Variants in ZYG11A observed in about 807,000 individuals in gnomAD.
ZYG11A encodes the protein zyg-11 family member A, cell cycle regulator, also known as protein zyg-11 homolog A.
Under a neutral mutation model 77.2 loss-of-function variants are expected in ZYG11A, and 62 were observed. That is an observed-to-expected ratio of 0.80 (90% CI 0.65 to 0.99). The LOEUF (loss-of-function observed/expected upper bound fraction) is 0.99. ZYG11A is among the 50% of genes least tolerant of loss of function. ZYG11A has a pLI of 0.00. For synonymous variants in ZYG11A, 315 were observed against 324.6 expected, an observed-to-expected ratio of 0.97 and a Z score of 0.32; for missense variants, 828 against 896.8, an observed-to-expected ratio of 0.92 and a Z score of 0.98.
In ZYG11A at chr1:52,877,764, A is replaced by C; in HGVS notation, c.1625A>C (p.Asn542Thr). 3 of 1,552,030 alleles carry C rather than the reference A, an allele frequency of 1.9e-6. No individual in the cohort carries two copies. The highest frequency in any genetic ancestry group is 2.6e-6 in the Non-Finnish European group (3 of 1,147,052). ...TTGTTTACTTTGAAAGCACTTTGGA[A>C]TCTTACAGATGGGTCTCCAGCTGCC... ...TFLFTLKALW[N>T]LTDGSPAACK... The change falls in exon 9 of 14, where the codon AAT (asparagine) becomes ACT (threonine). Residue 542 changes from asparagine to threonine, a missense_variant. Physicochemically the swap from Asn to Thr is moderately conservative, Grantham distance 65. Coordinates refer to ENST00000371528, the MANE Select transcript of ZYG11A (RefSeq NM_001004339.3).
intron 1 of ZYG11A, among the ~76,000 whole-genome samples, chr1:52,851,492 G>T (rs1427213982): frequency 6.6e-6 from 1 of 152,092 alleles, no homozygotes; most frequent in Admixed American, 6.6e-5. Flanking sequence ...CTGGCTCCCG[G>T]GTACAAGCGT....
At chr1:52,843,111 G>T in intron 1 of ZYG11A, 138 bp downstream of exon 1, 1 of 664,140 alleles carries the variant, frequency 1.5e-6, no homozygotes, top group Non-Finnish European at 2.2e-6. Context: ...TAGATGCCGA[G>T]CCCCTTCCAG....
At chr1:52,860,255 C>G (rs919365577) in intron 3 of ZYG11A, among the ~76,000 whole-genome samples, 5 of 152,058 alleles carry the variant, frequency 3.3e-5, no homozygotes, top group Non-Finnish European at 5.9e-5. Context: ...ACTATGTTGT[C>G]CAGGCTGGTC....
At chr1:52,886,603 A>G (rs1279095475) in intron 12 of ZYG11A, among the ~76,000 whole-genome samples, 1 of 151,000 alleles carries the variant, frequency 6.6e-6, no homozygotes, top group Non-Finnish European at 1.5e-5. Flanking sequence ...GCGGGATCAC[A>G]TCTCAATGCA....
intron 2 of ZYG11A, among the ~76,000 whole-genome samples, chr1:52,856,316 G>A (rs1645809116): frequency 6.6e-6 from 1 of 151,990 alleles, no homozygotes; most frequent in African/African-American, 2.4e-5. Flanking sequence ...CATAGAAGAT[G>A]TGTAGTAGGC....
chr1:52,876,987 C>A (rs1005839135), intron 8 of ZYG11A, among the ~76,000 whole-genome samples: 2 of 152,230 alleles, frequency 1.3e-5, no homozygotes, highest in African/African-American at 4.8e-5. Flanking sequence ...TTTAAGTGAA[C>A]CAGTGGCCTC....
Position 52,892,915 on chromosome 1 carries a change from C to A in ZYG11A, c.2238C>A (p.Phe746Leu). ...TTCTGGATGACTTCAGAATGCATTTCATGAATTATCAGAGGCCCACTCTGT... is the reference window on the plus strand; with the variant it reads ...TTCTGGATGACTTCAGAATGCATTTAATGAATTATCAGAGGCCCACTCTGT... ...ASILDDFRMH[F>L]MNYQRPTLCQ... is the part of the protein sequence containing the mutation. The change falls in exon 14 of 14, where the codon TTC (phenylalanine) becomes TTA (leucine). Residue 746 changes from phenylalanine (F) to leucine (L), a missense_variant. By Grantham distance (22) the Phe-to-Leu change is conservative. Transcript: ENST00000371528. The A allele has an allele frequency of 6.4e-7, 1 of 1,551,876 alleles. No individual in the cohort carries two copies. Among genetic ancestry groups the A allele is most frequent in the Non-Finnish European group, 8.7e-7 (1 of 1,147,030 alleles).
In ZYG11A at chr1:52,881,253, C is replaced by G. The variant is rs548231538; in HGVS notation, c.1750-218C>G. On this transcript the variant is annotated intron_variant, in intron 10 of 13. Coordinates refer to ENST00000371528, the MANE Select transcript of ZYG11A (RefSeq NM_001004339.3). ...CAATTTTATTTATCTAGTACTGTGC[C>G]TGGCACTTAGTAAGTACTTATTTAG... The G allele has an allele frequency of 6.4e-5, 27 of 419,618 alleles. No individual in the cohort carries two copies. In the South Asian group the frequency reaches 1.4e-3, roughly 21 times the overall value. The allele number at this position is 419,618 out of a possible 1,614,324, so 26.0% of individuals were successfully genotyped here.
chr1:52,854,603 C>T lies in ZYG11A; in HGVS notation c.229C>T (p.Arg77Ter), dbSNP rs761367794. 8.7e-5 allele frequency: 134 copies of T among 1,543,002 alleles called. 1 individual carries two copies. The highest frequency in any genetic ancestry group is 3.4e-4 in the Middle Eastern group (2 of 5,966). Residue 77 changes from arginine (R) to a stop codon, truncating the protein, a stop_gained, in exon 2 of 14, where the codon CGA becomes TGA. Transcript: ENST00000371528. LOFTEE classifies it high-confidence loss of function. Reference sequence around the variant, plus strand: ...GAGTTTCCCTCAGGAAGTAGCCGAGCGATTTCTCAGGGTGATGACTTGGCA... The same window carrying T: ...GAGTTTCCCTCAGGAAGTAGCCGAGTGATTTCTCAGGGTGATGACTTGGCA... ...HWSFPQEVAE[R>*]FLRVMTWQGK...
At position 52,846,867 on chromosome 1, in the gene ZYG11A, C is replaced by CT. The variant is rs35227167; in HGVS notation, c.90+3910dup. The stretch of plus-strand genomic sequence containing the variant: ...TTACATTTTTGTCTGTTCACATTTA[C>CT]TTTTTTTTTTTTTTTTGTCGCCCAG... On this transcript the variant is annotated intron_variant, in intron 1 of 13. Coordinates refer to ENST00000371528, the MANE Select transcript of ZYG11A (RefSeq NM_001004339.3). 2.3e-3 allele frequency among the ~76,000 whole-genome samples: 325 copies of CT among 139,418 alleles called. 1 individual carries two copies. Among genetic ancestry groups the CT allele is most frequent in the East Asian group, 0.017 (78 of 4,704 alleles). 91.5% of individuals were successfully genotyped at this position (139,418 alleles called of 152,430 possible). A position where few individuals can be genotyped will look rare whatever the true frequency, so the allele number is the denominator to read the frequency against.
At chr1:52,847,871 TA>T (rs1278121260) in intron 1 of ZYG11A, among the ~76,000 whole-genome samples, 16 of 81,194 alleles carry the variant, frequency 2.0e-4, no homozygotes, top group Middle Eastern at 5.4e-3. Context: ...TTTATTTATT[TA>T]TTTATTTATT....
chr1:52,889,470 A>G (rs538970825), intron 13 of ZYG11A, among the ~76,000 whole-genome samples: 11 of 151,812 alleles, frequency 7.2e-5, no homozygotes, highest in African/African-American at 2.4e-4. Context: ...ACAAAAAGCA[A>G]CAGGGTCTTG....
In ZYG11A at chr1:52,892,857, C is replaced by G. The variant is rs1014451251; in HGVS notation, c.2180C>G (p.Ala727Gly). ...TGTGATATCCAGGAGCACAGTGAGG[C>G]AACCCCCAAAGCACAGCAGATTGCA... ...LLCDIQEHSE[A>G]TPKAQQIAAS... Residue 727 changes from alanine (A) to glycine (G), a missense_variant, in exon 14 of 14, where the codon GCA (alanine) becomes GGA (glycine). Physicochemically the swap from Ala to Gly is moderately conservative, Grantham distance 60. Transcript: ENST00000371528. 6.4e-7 allele frequency: 1 copy of G among 1,551,670 alleles called. No individual in the cohort carries two copies. The highest frequency in any genetic ancestry group is 8.7e-7 in the Non-Finnish European group (1 of 1,146,972).
chr1:52,854,253 A>G (rs1645766136), intron 1 of ZYG11A, among the ~76,000 whole-genome samples: 1 of 152,184 alleles, frequency 6.6e-6, no homozygotes, highest in South Asian at 2.1e-4. Flanking sequence ...ATTTTGAGGG[A>G]CAGCTGTACA....
At chr1:52,880,232 G>C (rs1646340947) in intron 10 of ZYG11A, among the ~76,000 whole-genome samples, 1 of 151,992 alleles carries the variant, frequency 6.6e-6, no homozygotes, top group South Asian at 2.1e-4. Context: ...AGATATAGCT[G>C]GTCTTGGGAA....
At chr1:52,849,749 C>T (rs1056379056) in intron 1 of ZYG11A, among the ~76,000 whole-genome samples, 3 of 150,946 alleles carry the variant, frequency 2.0e-5, no homozygotes, top group Non-Finnish European at 4.4e-5. Context: ...GTGGCGCGAT[C>T]TCGGCTCACT....
At chr1:52,868,929 G>C (rs543480516) in intron 8 of ZYG11A, among the ~76,000 whole-genome samples, 1 of 152,060 alleles carries the variant, frequency 6.6e-6, no homozygotes, top group South Asian at 2.1e-4. Context: ...TCTGCTTCCT[G>C]GGTTCAAGCG....
At chr1:52,842,998 A>G in intron 1 of ZYG11A, 25 bp downstream of exon 1, 1 of 1,494,728 alleles carries the variant, frequency 6.7e-7, no homozygotes, top group Non-Finnish European at 8.9e-7. Context: ...GCGGGCGGCG[A>G]CGCGGACCTC....
At chr1:52,852,118 G>T (rs1645724874) in intron 1 of ZYG11A, among the ~76,000 whole-genome samples, 1 of 151,832 alleles carries the variant, frequency 6.6e-6, no homozygotes, top group South Asian at 2.1e-4. Flanking sequence ...GTTTCACTAT[G>T]TTGGCCAGGC....
Sources: gnomAD v4.1 joint callset for allele counts (sites outside exome capture counted in the v4.1 genomes callset) on GRCh38, gnomAD v4.1.1 for gene constraint, MANE v1.5 for transcripts, NCBI Gene and HGNC (gene_info 2026-07-23, HGNC 2026-07-21) for gene names.